Variants in ZNF704 observed in about 807,000 individuals in gnomAD.
ZNF704 encodes the protein glucocorticoid induced gene 1.
Under a neutral mutation model 44.7 loss-of-function variants are expected in ZNF704, and 10 were observed. The observed-to-expected ratio is 0.22, with a 90% CI of 0.14 to 0.38. The LOEUF (loss-of-function observed/expected upper bound fraction) is 0.38. Among genes scored for constraint, ZNF704 ranks in the 10% least tolerant of loss-of-function variants. The pLI is 1.00. For synonymous variants in ZNF704, 211 were observed against 207.6 expected (o/e 1.02, Z -0.14); for missense variants, 390 against 545.5 (o/e 0.71, Z 2.84).
At chr8:80,802,993 C>T (rs537855943) in intron 2 of ZNF704, among the ~76,000 whole-genome samples, 133 of 152,060 alleles carry the variant, frequency 8.7e-4, no homozygotes, top group African/African-American at 3.1e-3. Context: ...AGCAAAGTCT[C>T]AAGATAAAAA....
chr8:80,738,630 T>A (rs185001121), intron 2 of ZNF704, among the ~76,000 whole-genome samples: 233 of 151,848 alleles, frequency 1.5e-3, no homozygotes, highest in Admixed American at 0.013. Flanking sequence ...CCTACTAATA[T>A]AATTGAAACA....
At chr8:80,871,735 T>C (rs1274518398) in intron 1 of ZNF704, among the ~76,000 whole-genome samples, 2 of 152,244 alleles carry the variant, frequency 1.3e-5, no homozygotes, top group Admixed American at 6.5e-5. Flanking sequence ...CATTCGTATA[T>C]GCATTATAAT....
At chr8:80,867,170 T>C (rs568460662) in intron 1 of ZNF704, among the ~76,000 whole-genome samples, 9 of 152,188 alleles carry the variant, frequency 5.9e-5, no homozygotes, top group Non-Finnish European at 1.3e-4. Flanking sequence ...ATCCTCTGTG[T>C]ATACGTGTCC....
At chr8:80,695,199 G>A (rs1434407016) in intron 2 of ZNF704, among the ~76,000 whole-genome samples, 1 of 152,188 alleles carries the variant, frequency 6.6e-6, no homozygotes, top group Non-Finnish European at 1.5e-5. Context: ...CCCATGTAAC[G>A]CTGGTCACAG....
At chr8:80,797,444 C>G (rs949070491) in intron 2 of ZNF704, among the ~76,000 whole-genome samples, 5 of 152,194 alleles carry the variant, frequency 3.3e-5, no homozygotes, top group African/African-American at 1.2e-4. Flanking sequence ...TAGGTGAAAG[C>G]TGCTGTGCCT....
chr8:80,695,682 T>A (rs368591981), intron 2 of ZNF704, among the ~76,000 whole-genome samples: 1 of 152,378 alleles, frequency 6.6e-6, no homozygotes, highest in Non-Finnish European at 1.5e-5. Context: ...ATTTATGTGT[T>A]TTTTAAAATA....
chr8:80,838,378 C>A (rs1407406761), intron 1 of ZNF704, among the ~76,000 whole-genome samples: 1 of 152,152 alleles, frequency 6.6e-6, no homozygotes, highest in Admixed American at 6.5e-5. Context: ...TACACAATTT[C>A]TCTGGGCAGA....
chr8:80,663,491 C>T (rs1282129768), intron 6 of ZNF704, among the ~76,000 whole-genome samples: 1 of 152,048 alleles, frequency 6.6e-6, no homozygotes, highest in Non-Finnish European at 1.5e-5. Flanking sequence ...CCTGGAGGGC[C>T]TGTTAAAACA....
At chr8:80,813,694 C>T (rs1213455018) in intron 2 of ZNF704, among the ~76,000 whole-genome samples, 4 of 151,970 alleles carry the variant, frequency 2.6e-5, no homozygotes, top group Admixed American at 1.3e-4. Flanking sequence ...TGTCTTAACA[C>T]GGTGAAACCC....
chr8:80,680,119 C>T (rs556241098), intron 4 of ZNF704, among the ~76,000 whole-genome samples: 25 of 152,198 alleles, frequency 1.6e-4, no homozygotes, highest in African/African-American at 5.8e-4. Context: ...TGACAGAACC[C>T]AGAGTGATAC....
In ZNF704 at chr8:80,687,425, C is replaced by T. The variant is rs1423454926; in HGVS notation, c.359G>A (p.Cys120Tyr). ...SLSGSWKEGG[C>Y]VPSSTSSSGY... ...GCTGCTGCTGGTGCTGGAAGGCACG[C>T]AGCCGCCCTCCTTCCAGGATCCGCT... Residue 120 changes from cysteine to tyrosine, a missense_variant, in exon 4 of 9, where the codon TGC (cysteine) becomes TAC (tyrosine). Cys to Tyr is a radical substitution (Grantham distance 194, BLOSUM62 -2). This residue lies in a region of ZNF704 where 305 missense variants were observed against 435.7 expected (regional missense o/e 0.70). Coordinates refer to ENST00000327835, the MANE Select transcript of ZNF704 (RefSeq NM_001033723.3). 6.3e-7 allele frequency: 1 copy of T among 1,589,522 alleles called. No individual in the cohort carries two copies. Among genetic ancestry groups the T allele is most frequent in the Middle Eastern group, 1.7e-4 (1 of 5,834 alleles).
intron 2 of ZNF704, among the ~76,000 whole-genome samples, chr8:80,730,091 T>C (rs558520432): frequency 2.4e-4 from 37 of 152,308 alleles, no homozygotes; most frequent in Non-Finnish European, 3.7e-4. Flanking sequence ...GAAGATGCGA[T>C]TGCAGCACTA....
At chr8:80,725,329 A>G (rs768030956) in intron 2 of ZNF704, among the ~76,000 whole-genome samples, 16 of 152,214 alleles carry the variant, frequency 1.1e-4, no homozygotes, top group African/African-American at 1.7e-4. Flanking sequence ...AAATTTTTGT[A>G]TAAGTATATC....
intron 2 of ZNF704, among the ~76,000 whole-genome samples, chr8:80,750,529 T>A (rs2131705286): frequency 6.6e-6 from 1 of 152,266 alleles, no homozygotes; most frequent in South Asian, 2.1e-4. Flanking sequence ...TTTTTTCTTT[T>A]TTTGAGAAGT....
At chr8:80,711,341 C>T (rs1818982556) in intron 2 of ZNF704, among the ~76,000 whole-genome samples, 1 of 152,106 alleles carries the variant, frequency 6.6e-6, no homozygotes, top group Admixed American at 6.5e-5. Flanking sequence ...TGGCAGCGGT[C>T]TCATGGATAT....
intron 6 of ZNF704, among the ~76,000 whole-genome samples, chr8:80,660,544 A>G (rs1217974458): frequency 6.6e-6 from 1 of 152,134 alleles, no homozygotes; most frequent in East Asian, 1.9e-4. Flanking sequence ...ATCATGATAT[A>G]CCTACAGAGT....
chr8:80,712,088 T>C (rs1026669497), intron 2 of ZNF704, among the ~76,000 whole-genome samples: 1 of 152,098 alleles, frequency 6.6e-6, no homozygotes, highest in Non-Finnish European at 1.5e-5. Context: ...CTTTAAGAGG[T>C]GTTTGGGTCA....
At chr8:80,817,348 A>ATG (rs1364512165) in intron 2 of ZNF704, among the ~76,000 whole-genome samples, 1 of 152,214 alleles carries the variant, frequency 6.6e-6, no homozygotes, top group African/African-American at 2.4e-5. Context: ...CAGCTCCCAC[A>ATG]TGCTGCTCCC....
intron 3 of ZNF704, 67 bp downstream of exon 3, chr8:80,692,937 A>G (rs1308274277): frequency 7.2e-7 from 1 of 1,379,340 alleles, no homozygotes; most frequent in East Asian, 2.3e-5. Flanking sequence ...GGAATGAGAC[A>G]TCTCAAAGAA....
Sources: gnomAD v4.1 joint callset for allele counts (sites outside exome capture counted in the v4.1 genomes callset) on GRCh38, gnomAD v4.1.1 for gene constraint, gnomAD v4.1.1 regional missense constraint, MANE v1.5 for transcripts, NCBI Gene and HGNC (gene_info 2026-07-23, HGNC 2026-07-21) for gene names.